HDLBP: variants seen among roughly 807,000 people sequenced by gnomAD.
HDLBP encodes the protein vigilin.
In HDLBP, 30 loss-of-function variants were observed where a neutral mutation model predicts 137.3. The ratio of observed to expected loss-of-function variants is 0.22; its 90% CI spans 0.16 to 0.30. The LOEUF (loss-of-function observed/expected upper bound fraction) is 0.30. Among genes scored for constraint, HDLBP ranks in the 10% least tolerant of loss-of-function variants. The probability of loss-of-function intolerance (pLI) is 1.00; values close to 1 mark genes in which losing one functional copy is unlikely to be tolerated. For missense variants in HDLBP, 1,119 were observed against 1,667.3 expected, an observed-to-expected ratio of 0.67 and a Z score of 5.73; for synonymous variants, 606 against 596.0, an observed-to-expected ratio of 1.02 and a Z score of -0.24.
At chr2:241,289,251 T>C (rs2074931990) in intron 1 of HDLBP, among the ~76,000 whole-genome samples, 1 of 152,184 alleles carries the variant, frequency 6.6e-6, no homozygotes, top group Non-Finnish European at 1.5e-5. Flanking sequence ...GCTTGGCACA[T>C]CACCCTCTTC....
chr2:241,280,581 A>G (rs544911042), intron 1 of HDLBP, among the ~76,000 whole-genome samples: 1 of 152,176 alleles, frequency 6.6e-6, no homozygotes, highest in Non-Finnish European at 1.5e-5. Flanking sequence ...TGATTCACGT[A>G]TTTCTAGGTA....
intron 1 of HDLBP, among the ~76,000 whole-genome samples, chr2:241,298,435 A>G (rs2075267883): frequency 6.6e-6 from 1 of 152,146 alleles, no homozygotes; most frequent in Admixed American, 6.5e-5. Context: ...AGGGGCTCTC[A>G]GGGGCAAACC....
At chr2:241,236,821 C>T (rs1319110373) in intron 20 of HDLBP, 52 bp from the exon 21 acceptor site, 1 of 1,585,710 alleles carries the variant, frequency 6.3e-7, no homozygotes, top group South Asian at 1.1e-5. Flanking sequence ...AGAGACCCCA[C>T]ACCTTGTTCA....
Position 241,230,453 on chromosome 2 carries a change from G to T in HDLBP, c.3475-184C>A, listed in dbSNP as rs545541554. On this transcript the variant is annotated intron_variant, in intron 25 of 27. Transcript: ENST00000310931. The surrounding 1 kb of genome is among the most constrained non-coding windows in gnomAD (Gnocchi z 5.0). ...GTTAGGTGTATCTCAGGAGCACCTTGTTCCCAGCAGACAGAGGGCCGCAGC... is the reference window on the plus strand; with the variant it reads ...GTTAGGTGTATCTCAGGAGCACCTTTTTCCCAGCAGACAGAGGGCCGCAGC... Among the ~76,000 whole-genome samples the T allele has an allele frequency of 5.2e-5, 8 of 152,386 alleles. No individual in the cohort carries two copies. The East Asian group carries it at 1.2e-3, about 22-fold the overall frequency.
chr2:241,265,392 T>C (rs910219616), intron 3 of HDLBP, among the ~76,000 whole-genome samples: 1 of 152,260 alleles, frequency 6.6e-6, no homozygotes, highest in Admixed American at 6.5e-5. Flanking sequence ...CACTCCAGCC[T>C]GGGCAACAAG....
intron 1 of HDLBP, among the ~76,000 whole-genome samples, chr2:241,270,826 G>T (rs988184173): frequency 7.9e-5 from 12 of 152,192 alleles, no homozygotes; most frequent in African/African-American, 2.9e-4. Flanking sequence ...CTTGCTATCT[G>T]AAGTTCCCAG....
chr2:241,242,267 A>G (rs1415785413), intron 17 of HDLBP, among the ~76,000 whole-genome samples, 193 bp downstream of exon 17: 2 of 152,178 alleles, frequency 1.3e-5, no homozygotes, highest in South Asian at 2.1e-4. Context: ...TATATATTGC[A>G]TATGTGAGCG....
intron 1 of HDLBP, among the ~76,000 whole-genome samples, chr2:241,313,844 C>T (rs560437056): frequency 1.1e-4 from 16 of 152,300 alleles, no homozygotes; most frequent in Middle Eastern, 6.8e-3. Context: ...CGCTGAGGGA[C>T]GTGATATAGG....
chr2:241,267,999 TTCCCTCTCCC>T, intron 2 of HDLBP: 1 of 788,574 alleles, frequency 1.3e-6, no homozygotes. Flanking sequence ...TTCCCTCTCC[TTCCCTCTCCC>T]CAGTTCCAGG....
At chr2:241,285,200 A>C (rs1449669569) in intron 1 of HDLBP, among the ~76,000 whole-genome samples, 1 of 152,226 alleles carries the variant, frequency 6.6e-6, no homozygotes, top group African/African-American at 2.4e-5. Flanking sequence ...TTTTAAATTA[A>C]AGTATATACC....
chr2:241,262,447 T>G (rs1346495273), intron 5 of HDLBP, among the ~76,000 whole-genome samples: 1 of 130,784 alleles, frequency 7.6e-6, no homozygotes, highest in Non-Finnish European at 1.7e-5. Flanking sequence ...AAGGTGAGAC[T>G]CTGTCTCTTA....
At position 241,272,491 on chromosome 2, in the gene HDLBP, GA is replaced by G. The variant is rs1236286237; in HGVS notation, c.-102-3951del. 2.0e-6 allele frequency: 2 copies of G among 984,788 alleles called. No individual in the cohort carries two copies. The highest frequency in any genetic ancestry group is 2.3e-4 in the East Asian group (2 of 8,788). 61.0% of individuals were successfully genotyped at this position (984,788 alleles called of 1,614,324 possible). ...GGCCCAGCGGCGCCACCGGACTTGA[GA>G]AAGTTTGTGCGCGCCCCTCCGCGCC... On this transcript the variant is annotated intron_variant, in intron 1 of 27. Transcript: ENST00000310931. This position sits in a 1 kb window ranked among gnomAD's most constrained non-coding sequence, Gnocchi z 5.6.
In HDLBP at chr2:241,229,845, G is replaced by T; in HGVS notation, c.3708C>A (p.Ser1236Arg). 3 of 1,571,086 alleles carry T rather than the reference G, an allele frequency of 1.9e-6. No homozygotes were observed. Among genetic ancestry groups the T allele is most frequent in the Non-Finnish European group, 2.6e-6 (3 of 1,159,616 alleles). ...FVVRDAPWTA[S>R]SSEKAPDMSS... Reference sequence around the variant, plus strand: ...GCCCGCATCTGACCTTCTCACTGCTGCTGGCGGTCCAGGGTGCGTCCCGCA... The same window carrying T: ...GCCCGCATCTGACCTTCTCACTGCTTCTGGCGGTCCAGGGTGCGTCCCGCA... The change falls in exon 27 of 28, where the codon AGC becomes AGA. Residue 1236 changes from serine to arginine, a missense_variant. Ser to Arg is a moderately radical substitution (Grantham distance 110). Transcript: ENST00000310931.
At chr2:241,298,784 G>A (rs746047221) in intron 1 of HDLBP, among the ~76,000 whole-genome samples, 50 of 152,214 alleles carry the variant, frequency 3.3e-4, no homozygotes, top group Middle Eastern at 3.4e-3. Flanking sequence ...AGCCAGAGGC[G>A]CAAAACCTAG....
In HDLBP at chr2:241,229,699, G is replaced by T; in HGVS notation, c.3721-12C>A. On this transcript the variant is annotated splice_polypyrimidine_tract_variant and intron_variant, in intron 27 of 27. Transcript: ENST00000310931. The stretch of plus-strand genomic sequence containing the variant: ...CTCATGTCAGGAGCCTGTGCAGAGA[G>T]AGGACACGGCTTCAGGAGGGGATGC... 6.2e-7 allele frequency: 1 copy of T among 1,613,936 alleles called. No individual in the cohort carries two copies. The highest frequency in any genetic ancestry group is 8.5e-7 in the Non-Finnish European group (1 of 1,179,828).
Position 241,240,065 on chromosome 2 carries a change from T to C in HDLBP, c.2227A>G (p.Ile743Val), listed in dbSNP as rs757542367. The C allele has an allele frequency of 1.9e-6, 3 of 1,614,062 alleles. No homozygotes were observed. In the African/African-American group the frequency reaches 4.0e-5, roughly 22 times the overall value. ...RAKPEYHKFL[I>V]GKGGGKIRKV... ...CGAATTTTGCCGCCCCCCTTGCCGA[T>C]GAGGAATTTGTGGTATTCTGGCTTG... is the stretch of plus-strand genomic sequence containing the variant. The change falls in exon 18 of 28, where the codon ATC becomes GTC. Residue 743 changes from isoleucine to valine, a missense_variant. Transcript: ENST00000310931. The surrounding 1 kb of genome is among the most constrained non-coding windows in gnomAD (Gnocchi z 5.5).
At chr2:241,236,299 G>A (rs1194488437) in intron 21 of HDLBP, 6 of 370,974 alleles carry the variant, frequency 1.6e-5, no homozygotes, top group South Asian at 1.6e-4. Context: ...GTTGCAACTG[G>A]AGGTCACATT....
Position 241,238,463 on chromosome 2 carries a change from C to G in HDLBP, c.2749+186G>C. 2.2e-6 allele frequency: 1 copy of G among 460,632 alleles called. No homozygotes were observed. The highest frequency in any genetic ancestry group is 3.8e-6 in the Non-Finnish European group (1 of 262,654). The allele number at this position is 460,632 out of a possible 1,614,324, so 28.5% of individuals were successfully genotyped here. A position where few individuals can be genotyped will look rare whatever the true frequency, so the allele number is the denominator to read the frequency against. On this transcript the variant is annotated intron_variant, in intron 20 of 27. Transcript: ENST00000310931. The surrounding 1 kb of genome is among the most constrained non-coding windows in gnomAD (Gnocchi z 4.9). ...TATGAAGGTCACCTGGTCACTCTGT[C>G]AGTAACTGACGTGGTCCATCTTTTA...
In HDLBP at chr2:241,255,596, A is replaced by G. The variant is rs773218202; in HGVS notation, c.874-16T>C. 1.9e-6 allele frequency: 3 copies of G among 1,602,684 alleles called. No individual in the cohort carries two copies. The highest frequency in any genetic ancestry group is 2.2e-5 in the East Asian group (1 of 44,806). ...TCTTCTTTTTCTAAATAAGAGCACCATAAGGGGCAGTCAAAGGGAAAGGTG... is the reference window on the plus strand; with the variant it reads ...TCTTCTTTTTCTAAATAAGAGCACCGTAAGGGGCAGTCAAAGGGAAAGGTG... On this transcript the variant is annotated splice_polypyrimidine_tract_variant and intron_variant, in intron 7 of 27. Coordinates refer to ENST00000310931, the MANE Select transcript of HDLBP (RefSeq NM_005336.6).
Sources: allele counts gnomAD v4.1 joint callset (sites outside exome capture counted in the v4.1 genomes callset), GRCh38; gene constraint gnomAD v4.1.1; non-coding constraint Gnocchi (gnomAD v3.1); transcripts MANE v1.5; gene names NCBI Gene and HGNC (gene_info 2026-07-23, HGNC 2026-07-21).